PDE9A: variants seen among roughly 807,000 people sequenced by gnomAD.
PDE9A encodes phosphodiesterase 9A, also known as high affinity cGMP-specific 3',5'-cyclic phosphodiesterase 9A.
In PDE9A, 60 loss-of-function variants were observed where a neutral mutation model predicts 87.4. That is an observed-to-expected ratio of 0.69 (90% CI 0.56 to 0.85). The LOEUF is 0.85. Among genes scored for constraint, PDE9A ranks in the 40% least tolerant of loss-of-function variants. PDE9A has a pLI of 0.00. For synonymous variants in PDE9A, 272 were observed against 279.4 expected, an observed-to-expected ratio of 0.97 and a Z score of 0.27; for missense variants, 665 against 779.0, an observed-to-expected ratio of 0.85 and a Z score of 1.74.
At chr21:42,677,440 C>T (rs949085479) in intron 1 of PDE9A, among the ~76,000 whole-genome samples, 16 of 152,144 alleles carry the variant, frequency 1.1e-4, no homozygotes, top group Admixed American at 8.5e-4. Context: ...TCCTGGTTTA[C>T]CAGCTTTATG....
At chr21:42,720,354 C>T (rs1278872748) in intron 4 of PDE9A, among the ~76,000 whole-genome samples, 1 of 151,988 alleles carries the variant, frequency 6.6e-6, no homozygotes, top group Non-Finnish European at 1.5e-5. Context: ...ATTAGCCGGG[C>T]ATGGTCACGC....
At chr21:42,769,966 C>T (rs1038039420) in intron 17 of PDE9A, among the ~76,000 whole-genome samples, 2 of 152,190 alleles carry the variant, frequency 1.3e-5, no homozygotes, top group Non-Finnish European at 2.9e-5. Flanking sequence ...TCACTGCCCT[C>T]ACCCATCGCT....
intron 4 of PDE9A, among the ~76,000 whole-genome samples, chr21:42,728,858 T>G (rs2401095): frequency 0.67 from 101,341 of 151,568 alleles, 35,573 homozygotes; most frequent in East Asian, 0.94. Flanking sequence ...AAAATTAGCC[T>G]GGCTTAGTGG....
In PDE9A at chr21:42,686,277, C is replaced by A; in HGVS notation, c.140+15C>A. On this transcript the variant is annotated intron_variant, in intron 2 of 19. Coordinates refer to ENST00000291539, the MANE Select transcript of PDE9A (RefSeq NM_002606.3). ...GGCCTGCCTCGGTGAGTGCGCGCTG[C>A]GGGCTCTGCCCGGTGACGCCACGCG... 1 of 1,608,082 alleles carries A rather than the reference C, an allele frequency of 6.2e-7. No homozygotes were observed. The highest frequency in any genetic ancestry group is 8.5e-7 in the Non-Finnish European group (1 of 1,174,788).
chr21:42,656,493 G>T (rs1195174412), intron 1 of PDE9A, among the ~76,000 whole-genome samples: 1 of 152,248 alleles, frequency 6.6e-6, no homozygotes, highest in East Asian at 1.9e-4. Context: ...GGAGGCCCCG[G>T]GCAGCAAGTG....
rs376767800 is a variant in PDE9A at position 42,772,505 on chromosome 21, G to A, written c.1753G>A (p.Val585Met). The A allele has an allele frequency of 9.2e-5, 147 of 1,602,918 alleles. No homozygotes were observed. The highest frequency in any genetic ancestry group is 4.9e-4 in the Middle Eastern group (3 of 6,074). ...GAAGTCCAGAGAGAGAAGCAGAGAT[G>A]TGAAAAACAGTGAAGGTAATGCTTG... ...TEKSRERSRDVKNSEGDCA is the reference protein window; with the variant it reads ...TEKSRERSRDMKNSEGDCA Residue 585 changes from valine (V) to methionine (M), a missense_variant, in exon 19 of 20, where the codon GTG (valine) becomes ATG (methionine). Physicochemically the swap from Val to Met is conservative, Grantham distance 21. Coordinates refer to ENST00000291539, the MANE Select transcript of PDE9A (RefSeq NM_002606.3).
At position 42,759,002 on chromosome 21, in the gene PDE9A, C is replaced by G. The variant is rs146382324; in HGVS notation, c.814C>G (p.Leu272Val). ...DVWLWEPNEM[L>V]SCLEHMYHDL... The stretch of plus-strand genomic sequence containing the variant: ...TATCCTTCTCCTGTGCCCACAGATG[C>G]TGAGCTGCCTGGAGCACATGTACCA... The change falls in exon 11 of 20, where the codon CTG becomes GTG. Residue 272 changes from leucine (L) to valine (V), a missense_variant. Coordinates refer to ENST00000291539, the MANE Select transcript of PDE9A (RefSeq NM_002606.3). This position sits in a 1 kb window ranked among gnomAD's most constrained non-coding sequence, Gnocchi z 7.2. 115 of 1,613,320 alleles carry G rather than the reference C, an allele frequency of 7.1e-5. No homozygotes were observed. In the African/African-American group the frequency reaches 1.5e-3, roughly 21 times the overall value.
At chr21:42,663,916 T>C (rs1200105193) in intron 1 of PDE9A, among the ~76,000 whole-genome samples, 1 of 152,212 alleles carries the variant, frequency 6.6e-6, no homozygotes, top group Non-Finnish European at 1.5e-5. Flanking sequence ...GGTCATCAGC[T>C]GGATGCCAGG....
chr21:42,665,844 C>T (rs1005486061), intron 1 of PDE9A, among the ~76,000 whole-genome samples: 9 of 152,274 alleles, frequency 5.9e-5, no homozygotes, highest in South Asian at 4.1e-4. Flanking sequence ...GGGCGTTGCT[C>T]GGCTGGGCCA....
At chr21:42,751,332 G>T (rs978610158) in intron 9 of PDE9A, 135 bp downstream of exon 9, 13 of 722,014 alleles carry the variant, frequency 1.8e-5, no homozygotes, top group Middle Eastern at 3.3e-4. Context: ...GCCGCTGACG[G>T]TGCGGGTTAC....
At chr21:42,662,209 G>A (rs942629358) in intron 1 of PDE9A, among the ~76,000 whole-genome samples, 3 of 152,010 alleles carry the variant, frequency 2.0e-5, no homozygotes, top group African/African-American at 7.3e-5. Flanking sequence ...TCAGTGCCTG[G>A]TGGAGACCCG....
At chr21:42,768,980 TG>T (rs1602580444) in intron 16 of PDE9A, 46 bp from the exon 17 acceptor site, 2 of 1,575,806 alleles carry the variant, frequency 1.3e-6, no homozygotes, top group East Asian at 2.3e-5. Context: ...GATCTGGTTA[TG>T]GGGCATTTCT....
rs766130405 is a variant in PDE9A, at chr21:42,722,272, G to T, written c.263-9498G>T. ...ATTACAGGCGTGAGCCACCATGCCC[G>T]TCCAGCAGAGGTATTTTTTCTAATA... On this transcript the variant is annotated intron_variant, in intron 4 of 19. Transcript: ENST00000291539. The surrounding 1 kb of genome is among the most constrained non-coding windows in gnomAD (Gnocchi z 4.1). 1.1e-4 allele frequency among the ~76,000 whole-genome samples: 17 copies of T among 152,182 alleles called. No homozygotes were observed. Among genetic ancestry groups the T allele is most frequent in the Non-Finnish European group, 1.8e-4 (12 of 68,032 alleles).
intron 8 of PDE9A, among the ~76,000 whole-genome samples, chr21:42,749,879 T>G (rs941989809): frequency 2.6e-5 from 4 of 152,260 alleles, no homozygotes; most frequent in Non-Finnish European, 5.9e-5. Context: ...GGCTCACGCC[T>G]GTAATCCCAA....
Position 42,726,432 on chromosome 21 carries a change from T to C in PDE9A, c.263-5338T>C, listed in dbSNP as rs995994441. 7.9e-5 allele frequency among the ~76,000 whole-genome samples: 12 copies of C among 151,622 alleles called. No homozygotes were observed. The East Asian group carries it at 1.5e-3, about 20-fold the overall frequency. The stretch of plus-strand genomic sequence containing the variant: ...TCTCCTATCTTCTCTCTGTGTTTTA[T>C]AGTTTCATGTTTTACATCTGTGGTC... On this transcript the variant is annotated intron_variant, in intron 4 of 19. Coordinates refer to ENST00000291539, the MANE Select transcript of PDE9A (RefSeq NM_002606.3).
At chr21:42,745,179 A>T (rs910016427) in intron 8 of PDE9A, among the ~76,000 whole-genome samples, 36 of 152,160 alleles carry the variant, frequency 2.4e-4, no homozygotes, top group Admixed American at 2.4e-3. Context: ...GGTGAAGGGA[A>T]AGCCGACGGG....
At chr21:42,668,996 C>A (rs1272822722) in intron 1 of PDE9A, among the ~76,000 whole-genome samples, 1 of 151,732 alleles carries the variant, frequency 6.6e-6, no homozygotes. Flanking sequence ...GCCTCCTTCA[C>A]CATCCCCTCC....
rs1317689681 is a variant in PDE9A, at chr21:42,692,014, C to G, written c.218+4020C>G. On this transcript the variant is annotated intron_variant, in intron 3 of 19. Transcript: ENST00000291539. The surrounding 1 kb of genome is among the most constrained non-coding windows in gnomAD (Gnocchi z 4.3). ...TCACCATCAGCACATCACTGGCTTC[C>G]TCCCCTCAGTGTGCGCCTCAGTCTG... Among the ~76,000 whole-genome samples the G allele has an allele frequency of 1.3e-5, 2 of 152,252 alleles. No homozygotes were observed. The highest frequency in any genetic ancestry group is 2.4e-5 in the African/African-American group (1 of 41,472).
intron 4 of PDE9A, among the ~76,000 whole-genome samples, chr21:42,721,361 A>G (rs1303352985): frequency 6.6e-6 from 1 of 152,150 alleles, no homozygotes; most frequent in African/African-American, 2.4e-5. Context: ...TTTGGCCACC[A>G]GGGTCTTCGG....
Sources: gnomAD v4.1 joint callset for allele counts (sites outside exome capture counted in the v4.1 genomes callset) on GRCh38, gnomAD v4.1.1 for gene constraint, Gnocchi (gnomAD v3.1) non-coding constraint, MANE v1.5 for transcripts, NCBI Gene and HGNC (gene_info 2026-07-23, HGNC 2026-07-21) for gene names.